Variants in GGT5 observed in about 807,000 individuals in gnomAD.
GGT5 encodes gamma-glutamyltransferase 5.
In GGT5, 50 loss-of-function variants were observed where a neutral mutation model predicts 58.1. The observed-to-expected ratio is 0.86, with a 90% confidence interval of 0.69 to 1.09. The LOEUF (loss-of-function observed/expected upper bound fraction) is 1.09. Among genes scored for constraint, GGT5 ranks in the 50% least tolerant of loss-of-function variants. The pLI, the probability that GGT5 is intolerant of heterozygous loss-of-function variation, is 0.00. For synonymous variants in GGT5, 370 were observed against 346.1 expected, an observed-to-expected ratio of 1.07 and a Z score of -0.77; for missense variants, 800 against 789.4, an observed-to-expected ratio of 1.01 and a Z score of -0.16.
chr22:24,230,447 A>G (rs750161918), intron 6 of GGT5, among the ~76,000 whole-genome samples: 11 of 151,874 alleles, frequency 7.2e-5, no homozygotes, highest in Non-Finnish European at 1.5e-4. Flanking sequence ...AATCCCAGCT[A>G]CTTGGGAGGC....
At chr22:24,225,464 A>G in intron 9 of GGT5, 53 bp from the exon 10 acceptor site, 2 of 1,600,552 alleles carry the variant, frequency 1.2e-6, no homozygotes, top group Non-Finnish European at 1.7e-6. Context: ...AGGGGTTAGC[A>G]TGCAACCCCA....
At chr22:24,222,344 G>A (rs749976474) in intron 11 of GGT5, among the ~76,000 whole-genome samples, 20 of 152,120 alleles carry the variant, frequency 1.3e-4, no homozygotes, top group Admixed American at 9.8e-4. Context: ...AGCCCTGCAC[G>A]TTTGGCTATG....
chr22:24,241,916 A>G (rs1601436591), intron 1 of GGT5: 2 of 151,658 alleles, frequency 1.3e-5, no homozygotes, highest in South Asian at 4.2e-4. Flanking sequence ...TCCTGGGTTC[A>G]AGTGATTCTC....
chr22:24,234,560 C>G (rs1027761868), intron 1 of GGT5, among the ~76,000 whole-genome samples: 4 of 152,210 alleles, frequency 2.6e-5, no homozygotes, highest in Non-Finnish European at 5.9e-5. Flanking sequence ...TGGCTCATGC[C>G]TATAATCCCT....
In GGT5 at chr22:24,226,677, C is replaced by G; in HGVS notation, c.992G>C (p.Gly331Ala). Residue 331 changes from glycine to alanine, a missense_variant, in exon 7 of 12, where the codon GGG becomes GCG. By Grantham distance (60) the Gly-to-Ala change is moderately conservative (BLOSUM62 0). Coordinates refer to ENST00000327365, the MANE Select transcript of GGT5 (RefSeq NM_004121.5). ...AGGGTCCCCCAGCCTCCACCTCTGC[C>G]CCTTGGCAAACTTGAGCGTCTCTAC... ...HLVETLKFAKGQRWRLGDPRS... is the reference protein window; with the variant it reads ...HLVETLKFAKAQRWRLGDPRS... 5.6e-6 allele frequency: 9 copies of G among 1,614,130 alleles called. No homozygotes were observed. Among genetic ancestry groups the G allele is most frequent in the Non-Finnish European group, 7.6e-6 (9 of 1,179,982 alleles).
At chr22:24,223,996 C>T (rs1039398453) in intron 11 of GGT5, among the ~76,000 whole-genome samples, 1 of 151,752 alleles carries the variant, frequency 6.6e-6, no homozygotes, top group African/African-American at 2.4e-5. Flanking sequence ...GTCCTGACCT[C>T]AGGTGATCCA....
intron 6 of GGT5, among the ~76,000 whole-genome samples, chr22:24,227,880 T>G (rs986696913): frequency 1.1e-4 from 16 of 151,400 alleles, no homozygotes; most frequent in African/African-American, 3.9e-4. Context: ...TGAAACCCCA[T>G]CTCTACAAAA....
At chr22:24,231,568 A>G in intron 5 of GGT5, 38 bp from the exon 6 acceptor site, 1 of 1,572,630 alleles carries the variant, frequency 6.4e-7, no homozygotes, top group South Asian at 1.2e-5. Flanking sequence ...AACAGATGGG[A>G]AACTGAGGCG....
At chr22:24,228,607 C>T (rs549786282) in intron 6 of GGT5, among the ~76,000 whole-genome samples, 38 of 151,594 alleles carry the variant, frequency 2.5e-4, no homozygotes, top group African/African-American at 8.2e-4. Flanking sequence ...CCCGCCACCA[C>T]GCCTGGCTAA....
intron 1 of GGT5, 87 bp downstream of exon 1, chr22:24,244,438 ACACTCACACACACACCCACACATACATT>A: frequency 1.1e-6 from 1 of 872,516 alleles, no homozygotes; most frequent in East Asian, 2.4e-5. Flanking sequence ...ACATACCCAG[ACACTCACACACACACCCACACATACATT>A]CACTCACACA....
At chr22:24,230,061 C>A (rs140774640) in intron 6 of GGT5, among the ~76,000 whole-genome samples, 3 of 151,782 alleles carry the variant, frequency 2.0e-5, no homozygotes, top group Admixed American at 6.6e-5. Context: ...GGTAAAACCC[C>A]GTCTCTACTA....
At chr22:24,225,458 G>T (rs772769849) in intron 9 of GGT5, 47 bp from the exon 10 acceptor site, 4 of 1,608,044 alleles carry the variant, frequency 2.5e-6, no homozygotes, top group South Asian at 1.1e-5. Flanking sequence ...CCATCCAGGG[G>T]TTAGCATGCA....
At chr22:24,229,922 C>T (rs975107132) in intron 6 of GGT5, among the ~76,000 whole-genome samples, 2 of 151,352 alleles carry the variant, frequency 1.3e-5, no homozygotes, top group African/African-American at 4.9e-5. Context: ...CACTTGTTCC[C>T]CAAAAACTAA....
In GGT5 at chr22:24,220,905, C is replaced by T. The variant is rs534413487; in HGVS notation, c.1615-789G>A. 3.7e-4 allele frequency among the ~76,000 whole-genome samples: 57 copies of T among 152,170 alleles called. 1 individual carries two copies. The highest frequency in any genetic ancestry group is 3.9e-4 in the East Asian group (2 of 5,178). On this transcript the variant is annotated intron_variant, in intron 11 of 11. Coordinates refer to ENST00000327365, the MANE Select transcript of GGT5 (RefSeq NM_004121.5). ...AGAAAAGAAAAAAGAAAAAATTAGTCGGATGTGGTGGCCCTGTGCTTATAG... is the reference window on the plus strand; with the variant it reads ...AGAAAAGAAAAAAGAAAAAATTAGTTGGATGTGGTGGCCCTGTGCTTATAG...
In GGT5 at chr22:24,240,284, G is replaced by A. The variant is rs1176504993; in HGVS notation, c.173+4269C>T. On this transcript the variant is annotated intron_variant, in intron 1 of 11. Coordinates refer to ENST00000327365, the MANE Select transcript of GGT5 (RefSeq NM_004121.5). ...AAATGCAAAACAAGATGTGAAAGGA[G>A]ATAAGAAGAAACAGAATAGGCATGG... Among the ~76,000 whole-genome samples, 4 of 152,138 alleles carry A rather than the reference G, an allele frequency of 2.6e-5. No individual in the cohort carries two copies. In the South Asian group the frequency reaches 6.2e-4, roughly 24 times the overall value.
intron 11 of GGT5, among the ~76,000 whole-genome samples, chr22:24,221,129 CT>C (rs1366851901): frequency 6.6e-6 from 1 of 152,170 alleles, no homozygotes; most frequent in Non-Finnish European, 1.5e-5. Context: ...CCCAGTTGTC[CT>C]TGCTCATTCC....
intron 6 of GGT5, among the ~76,000 whole-genome samples, 175 bp from the exon 7 acceptor site, chr22:24,226,942 A>AT (rs34544519): frequency 0.012 from 1,259 of 109,278 alleles, 22 homozygotes; most frequent in African/African-American, 0.022. Context: ...TAAGTTAAGG[A>AT]TTTTTTTTTT....
chr22:24,244,238 C>G, intron 1 of GGT5: 1 of 331,850 alleles, frequency 3.0e-6, no homozygotes. Flanking sequence ...GCGCCCAAGA[C>G]CTGCAGGTGC....
intron 11 of GGT5, among the ~76,000 whole-genome samples, chr22:24,222,873 C>A (rs187720192): frequency 2.0e-5 from 3 of 151,882 alleles, no homozygotes; most frequent in Non-Finnish European, 2.9e-5. Context: ...GTCAGGAGAT[C>A]GAGACCATCC....
Sources: gnomAD v4.1 joint callset for allele counts (sites outside exome capture counted in the v4.1 genomes callset) on GRCh38, gnomAD v4.1.1 for gene constraint, MANE v1.5 for transcripts, NCBI Gene and HGNC (gene_info 2026-07-23, HGNC 2026-07-21) for gene names.